GLB1L3: variants seen among roughly 807,000 people sequenced by gnomAD.
GLB1L3 encodes the protein galactosidase beta 1 like 3.
Under a neutral mutation model 89.5 loss-of-function variants are expected in GLB1L3, and 89 were observed. That is an observed-to-expected ratio of 0.99 (90% CI 0.84 to 1.19). The LOEUF (loss-of-function observed/expected upper bound fraction) is 1.19, where lower values mean the gene tolerates loss of function less well. Ranked by LOEUF, GLB1L3 falls within the 50% of genes most tolerant of loss-of-function variation. GLB1L3 has a pLI of 0.00. For missense variants in GLB1L3, 812 were observed against 813.3 expected, an observed-to-expected ratio of 1.00 and a Z score of 0.02; for synonymous variants, 314 against 312.3, an observed-to-expected ratio of 1.01 and a Z score of -0.06.
At chr11:134,318,798 A>G in intron 19 of GLB1L3, 51 bp downstream of exon 19, 1 of 1,541,292 alleles carries the variant, frequency 6.5e-7, no homozygotes, top group Admixed American at 1.7e-5. Flanking sequence ...TCAGATCAAA[A>G]TGTGAGTTGC....
intron 10 of GLB1L3, among the ~76,000 whole-genome samples, chr11:134,308,281 CAA>C (rs1442801158): frequency 5.6e-4 from 18 of 32,362 alleles, no homozygotes; most frequent in Middle Eastern, 0.015. Context: ...CCACCACCAC[CAA>C]ATACCACCAC....
chr11:134,314,654 A>C (rs1942900853), intron 18 of GLB1L3, among the ~76,000 whole-genome samples: 1 of 152,190 alleles, frequency 6.6e-6, no homozygotes, highest in Non-Finnish European at 1.5e-5. Context: ...AATTCAAACA[A>C]TAACAAGAGG....
the GLB1L3 span, among the ~76,000 whole-genome samples, chr11:134,325,017 CAAAGTTAT>C: frequency 6.6e-6 from 1 of 152,020 alleles, no homozygotes. Context: ...ATATTCTTCC[CAAAGTTAT>C]AAAGTTATAA....
At position 134,279,373 on chromosome 11, in the gene GLB1L3, T is replaced by C. The variant is rs1275004204; in HGVS notation, c.362+1461T>C. Among the ~76,000 whole-genome samples the C allele has an allele frequency of 1.4e-3, 211 of 146,260 alleles. 1 individual carries two copies. Among genetic ancestry groups the C allele is most frequent in the African/African-American group, 4.9e-3 (194 of 39,946 alleles). The stretch of plus-strand genomic sequence containing the variant: ...TTTCTGTTTTCTTTTTCTTTTTTTT[T>C]TTTTTTTTTTTGAGATAGAGTCTTG... On this transcript the variant is annotated intron_variant, in intron 3 of 19. Transcript: ENST00000431683.
chr11:134,313,857 A>G (rs1942862481), intron 16 of GLB1L3, 84 bp from the exon 17 acceptor site: 1 of 861,328 alleles, frequency 1.2e-6, no homozygotes, highest in East Asian at 2.6e-5. Flanking sequence ...GGCATGTACA[A>G]GTCTGCATTG....
intron 9 of GLB1L3, among the ~76,000 whole-genome samples, chr11:134,299,780 G>T (rs886490667): frequency 2.6e-5 from 4 of 152,102 alleles, no homozygotes; most frequent in African/African-American, 7.2e-5. Flanking sequence ...GCTGTCTGTG[G>T]GTCTGAGGGG....
chr11:134,319,868 A>G (rs911590846), downstream of GLB1L3, among the ~76,000 whole-genome samples: 3 of 152,090 alleles, frequency 2.0e-5, no homozygotes, highest in Non-Finnish European at 4.4e-5. Context: ...TGTCACATCT[A>G]ATCAGAGAAG....
chr11:134,313,435 C>T lies in GLB1L3; in HGVS notation c.1540C>T (p.Arg514Ter), dbSNP rs567099863. 17 of 1,584,366 alleles carry T rather than the reference C, an allele frequency of 1.1e-5. No individual in the cohort carries two copies. Among genetic ancestry groups the T allele is most frequent in the East Asian group, 6.9e-5 (3 of 43,558 alleles). The change falls in exon 16 of 20, where the codon CGA becomes TGA. Residue 514 changes from arginine to a stop codon, truncating the protein, a stop_gained. Transcript: ENST00000431683. LOFTEE classifies it high-confidence loss of function. ...YLRILVENQGRVNFSWQIQNE... is the reference protein window; with the variant it reads ...YLRILVENQG ...GAGGATCCTGGTGGAGAATCAAGGACGAGTCAATTTTTCATGGCAAATACA... is the reference window on the plus strand; with the variant it reads ...GAGGATCCTGGTGGAGAATCAAGGATGAGTCAATTTTTCATGGCAAATACA...
intron 9 of GLB1L3, among the ~76,000 whole-genome samples, chr11:134,300,476 G>A (rs1204372203): frequency 6.6e-6 from 1 of 152,008 alleles, no homozygotes. Context: ...GGGACTACAG[G>A]CGCCCTCCAC....
At position 134,277,735 on chromosome 11, in the gene GLB1L3, A is replaced by G. The variant is rs1430739882; in HGVS notation, c.185A>G (p.Lys62Arg). 4.3e-6 allele frequency: 7 copies of G among 1,612,658 alleles called. No individual in the cohort carries two copies. Among genetic ancestry groups the G allele is most frequent in the Non-Finnish European group, 5.9e-6 (7 of 1,179,460 alleles). ...NWSHLTPLELKNRSVGLGTES... is the reference protein window; with the variant it reads ...NWSHLTPLELRNRSVGLGTES... ...TCTCATCTGACCCCTCTGGAGCTGA[A>G]GAATCGATCTGTGGGACTTGGAACT... The change falls in exon 3 of 20, where the codon AAG becomes AGG. Residue 62 changes from lysine to arginine, a missense_variant. By Grantham distance (26) the Lys-to-Arg change is conservative. This residue lies in a region of GLB1L3 where 191 missense variants were observed against 191.4 expected (regional missense o/e 1.00). Transcript: ENST00000431683.
chr11:134,323,461 G>A (rs1943190634), downstream of GLB1L3, among the ~76,000 whole-genome samples: 1 of 151,892 alleles, frequency 6.6e-6, no homozygotes, highest in Non-Finnish European at 1.5e-5. Context: ...TGTAATCCCA[G>A]CTACTTGGGA....
intron 10 of GLB1L3, among the ~76,000 whole-genome samples, chr11:134,308,235 C>CTACCACCAT (rs1942343874): frequency 3.6e-5 from 1 of 27,772 alleles, no homozygotes; most frequent in African/African-American, 2.0e-4. Context: ...ACCACCACCA[C>CTACCACCAT]CATCACCATC....
At chr11:134,321,299 G>A (rs958305558), downstream of GLB1L3, among the ~76,000 whole-genome samples, 15 of 152,098 alleles carry the variant, frequency 9.9e-5, no homozygotes, top group African/African-American at 3.6e-4. Context: ...AATGTTTAAA[G>A]AATATACATA....
chr11:134,287,389 CATT>C (rs1279015020), intron 6 of GLB1L3: 2 of 152,200 alleles, frequency 1.3e-5, no homozygotes, highest in Non-Finnish European at 2.9e-5. Context: ...ATTGATACAT[CATT>C]AGTATTTTAA....
chr11:134,282,941 C>G (rs1227119861), intron 5 of GLB1L3, among the ~76,000 whole-genome samples: 1 of 152,214 alleles, frequency 6.6e-6, no homozygotes, highest in Non-Finnish European at 1.5e-5. Context: ...GCCTGCCTGG[C>G]ACTTCCCCAG....
intron 10 of GLB1L3, among the ~76,000 whole-genome samples, chr11:134,309,005 T>G (rs1448983953): frequency 6.6e-6 from 1 of 152,152 alleles, no homozygotes; most frequent in Non-Finnish European, 1.5e-5. Flanking sequence ...GGCTAAAGAT[T>G]AAGAGCAACC....
chr11:134,283,721 C>A lies in GLB1L3; in HGVS notation c.528-16C>A. 2.6e-6 allele frequency: 4 copies of A among 1,530,610 alleles called. No homozygotes were observed. Among genetic ancestry groups the A allele is most frequent in the Non-Finnish European group, 3.6e-6 (4 of 1,108,160 alleles). The allele number at this position is 1,530,610 out of a possible 1,614,324, so 94.8% of individuals were successfully genotyped here. On this transcript the variant is annotated splice_polypyrimidine_tract_variant and intron_variant, in intron 5 of 19. Transcript: ENST00000431683. ...CAACCCGTCTCAGACCCTGAGCCCG[C>A]CCCTCTTGCCCCCAGCTGGCTCCTG... is the stretch of plus-strand genomic sequence containing the variant.
intron 9 of GLB1L3, chr11:134,305,110 C>T (rs866649942): frequency 1.3e-6 from 2 of 1,548,830 alleles, no homozygotes; most frequent in Non-Finnish European, 1.7e-6. Context: ...TTTCTCTCCT[C>T]CCAGGGAGCC....
At chr11:134,312,074 G>C (rs1942759847) in intron 13 of GLB1L3, 1 of 334,460 alleles carries the variant, frequency 3.0e-6, no homozygotes, top group Non-Finnish European at 5.4e-6. Flanking sequence ...TGGGATTACA[G>C]GCGTGAGCCC....
Sources: allele counts gnomAD v4.1 joint callset (sites outside exome capture counted in the v4.1 genomes callset), GRCh38; gene constraint gnomAD v4.1.1; regional missense constraint gnomAD v4.1.1; transcripts MANE v1.5; gene names NCBI Gene and HGNC (gene_info 2026-07-23, HGNC 2026-07-21).